Variants in IMPA2 observed in about 807,000 individuals in gnomAD.
IMPA2 encodes inositol monophosphatase 2.
IMPA2 carries 32 observed loss-of-function variants against 35.1 expected under a neutral mutation model. The ratio of observed to expected loss-of-function variants is 0.91; its 90% CI spans 0.69 to 1.23. IMPA2 has a LOEUF of 1.23. Ranked by LOEUF, IMPA2 falls within the 50% of genes most tolerant of loss-of-function variation. The pLI is 0.00. For synonymous variants in IMPA2, 135 were observed against 160.6 expected (o/e 0.84, Z 1.20); for missense variants, 334 against 387.6 (o/e 0.86, Z 1.16).
intron 2 of IMPA2, chr18:12,008,313 C>A: frequency 1.9e-6 from 1 of 517,974 alleles, no homozygotes; most frequent in Non-Finnish European, 3.9e-6. Context: ...CACTTATTTT[C>A]TTTTTCTTAC....
chr18:12,012,473 T>G, intron 4 of IMPA2: 1 of 510,580 alleles, frequency 2.0e-6, no homozygotes, highest in South Asian at 3.5e-5. Flanking sequence ...GGTCTATTTG[T>G]GACACTGCTG....
intron 5 of IMPA2, among the ~76,000 whole-genome samples, chr18:12,014,728 C>T (rs566216010): frequency 1.3e-5 from 2 of 152,126 alleles, no homozygotes; most frequent in African/African-American, 4.8e-5. Flanking sequence ...TCGGTGGTCC[C>T]GATTTTGCCC....
At chr18:11,995,589 C>T (rs1191849895) in intron 1 of IMPA2, among the ~76,000 whole-genome samples, 1 of 152,166 alleles carries the variant, frequency 6.6e-6, no homozygotes, top group Non-Finnish European at 1.5e-5. Context: ...AGTGACAGGG[C>T]GCCACCAAGT....
intron 6 of IMPA2, chr18:12,028,628 G>T: frequency 1.7e-6 from 1 of 580,404 alleles, no homozygotes; most frequent in South Asian, 2.3e-5. Context: ...GGTCAGCTGG[G>T]AGCTGTCATG....
chr18:11,988,737 A>G (rs906852156), intron 1 of IMPA2, among the ~76,000 whole-genome samples: 3 of 152,296 alleles, frequency 2.0e-5, no homozygotes, highest in African/African-American at 7.2e-5. Flanking sequence ...TGGATTTGCC[A>G]CTTTCCGAGA....
At chr18:12,000,199 G>T (rs1241671914) in intron 2 of IMPA2, among the ~76,000 whole-genome samples, 2 of 151,996 alleles carry the variant, frequency 1.3e-5, no homozygotes, top group Admixed American at 6.6e-5. Flanking sequence ...AAGAGATAGG[G>T]TCTTGCTCAG....
At chr18:12,016,712 C>T (rs1365248497) in intron 5 of IMPA2, among the ~76,000 whole-genome samples, 1 of 152,160 alleles carries the variant, frequency 6.6e-6, no homozygotes, top group East Asian at 1.9e-4. Flanking sequence ...AGCCACCACA[C>T]CTGGCCGATT....
At chr18:12,020,219 G>A in intron 5 of IMPA2, among the ~76,000 whole-genome samples, 1 of 151,554 alleles carries the variant, frequency 6.6e-6, no homozygotes, top group African/African-American at 2.4e-5. Context: ...TTGAAATGGA[G>A]TTTCGCTCTT....
intron 5 of IMPA2, among the ~76,000 whole-genome samples, chr18:12,015,265 C>T (rs1907546332): frequency 6.6e-6 from 1 of 152,228 alleles, no homozygotes; most frequent in Admixed American, 6.5e-5. Context: ...TACACTCTTT[C>T]TTCTGCTCTC....
intron 1 of IMPA2, among the ~76,000 whole-genome samples, chr18:11,998,692 G>C (rs961932207): frequency 6.6e-6 from 1 of 152,154 alleles, no homozygotes; most frequent in Non-Finnish European, 1.5e-5. Flanking sequence ...GAAGTTTCAT[G>C]CTCTTTTCAA....
intron 2 of IMPA2, among the ~76,000 whole-genome samples, chr18:12,007,099 C>G (rs1314428146): frequency 6.6e-6 from 1 of 151,760 alleles, no homozygotes; most frequent in Non-Finnish European, 1.5e-5. Flanking sequence ...CATTGCACTC[C>G]AGCCTGGGCG....
At chr18:12,019,468 G>A (rs1488165471) in intron 5 of IMPA2, among the ~76,000 whole-genome samples, 5 of 141,306 alleles carry the variant, frequency 3.5e-5, no homozygotes, top group African/African-American at 5.3e-5. Context: ...AGGTTTCACC[G>A]TGTTGGCCAG....
At chr18:11,992,196 CAT>C (rs1906834824) in intron 1 of IMPA2, among the ~76,000 whole-genome samples, 1 of 152,226 alleles carries the variant, frequency 6.6e-6, no homozygotes, top group East Asian at 1.9e-4. Flanking sequence ...CAAGTTGACA[CAT>C]AAAATTAACC....
At chr18:12,014,603 A>G (rs772420257) in intron 5 of IMPA2, among the ~76,000 whole-genome samples, 6 of 151,984 alleles carry the variant, frequency 3.9e-5, no homozygotes, top group Non-Finnish European at 8.8e-5. Context: ...TTGCGCTCAC[A>G]TCCCTCATCT....
chr18:12,017,523 C>T (rs559320288), intron 5 of IMPA2: 5 of 315,972 alleles, frequency 1.6e-5, no homozygotes, highest in South Asian at 1.2e-4. Context: ...GGGGGGACTT[C>T]CTGTTCCTGG....
At chr18:12,007,635 CTTTCTTTCTTTCTTT>C (rs1568032858) in intron 2 of IMPA2, among the ~76,000 whole-genome samples, 6 of 50,064 alleles carry the variant, frequency 1.2e-4, no homozygotes, top group African/African-American at 4.1e-4. Context: ...TTTCTTCTTT[CTTTCTTTCTTTCTTT>C]CTTTCTTTCT....
At chr18:11,998,923 C>T (rs1907032880) in intron 1 of IMPA2, 131 bp from the exon 2 acceptor site, 3 of 13,584 alleles carry the variant, frequency 2.2e-4, no homozygotes, top group South Asian at 2.7e-3. Flanking sequence ...CCTGCTGCCC[C>T]CGCCGCCCCC....
At chr18:12,004,121 C>T (rs1907190137) in intron 2 of IMPA2, among the ~76,000 whole-genome samples, 2 of 152,222 alleles carry the variant, frequency 1.3e-5, no homozygotes, top group Admixed American at 1.3e-4. Flanking sequence ...ATGCTCCCAG[C>T]CACCACCAGC....
At chr18:12,009,801 C>T (rs1907381534) in intron 2 of IMPA2, 82 bp from the exon 3 acceptor site, 1 of 1,011,928 alleles carries the variant, frequency 9.9e-7, no homozygotes, top group East Asian at 2.4e-5. Flanking sequence ...CCACCTTTTT[C>T]TTTAATGGGA....
Sources: allele counts gnomAD v4.1 joint callset (sites outside exome capture counted in the v4.1 genomes callset), GRCh38; gene constraint gnomAD v4.1.1; transcripts MANE v1.5; gene names NCBI Gene and HGNC (gene_info 2026-07-23, HGNC 2026-07-21).